Variants in ENO3 observed in about 807,000 individuals in gnomAD.
ENO3 encodes the protein beta-enolase.
In ENO3, 46 loss-of-function variants were observed where a neutral mutation model predicts 47.7. The observed-to-expected ratio is 0.96, with a 90% CI of 0.76 to 1.23. The LOEUF is 1.23. Among genes scored for constraint, ENO3 ranks in the 50% most tolerant of loss-of-function variants. The pLI is 0.00. For synonymous variants in ENO3, 223 were observed against 225.9 expected, an observed-to-expected ratio of 0.99 and a Z score of 0.11; for missense variants, 575 against 566.2, an observed-to-expected ratio of 1.02 and a Z score of -0.16.
chr17:4,951,734 C>G, intron 1 of ENO3, 94 bp from the exon 2 acceptor site: 1 of 1,395,686 alleles, frequency 7.2e-7, no homozygotes. Context: ...CAGCACCTGC[C>G]TTCTTGGAGT....
At chr17:4,954,105 T>G (rs1971644436) in intron 6 of ENO3, 1 of 582,430 alleles carries the variant, frequency 1.7e-6, no homozygotes. Flanking sequence ...AACTCCAGCC[T>G]CGTTCCAACC....
chr17:4,956,718 G>A (rs1274888691), intron 10 of ENO3, 37 bp downstream of exon 10: 2 of 1,614,094 alleles, frequency 1.2e-6, no homozygotes, highest in African/African-American at 2.7e-5. Context: ...GTCTCACCAA[G>A]TTTTCTTGGG....
At chr17:4,949,215 C>G (rs972093048), upstream of ENO3, 4 of 152,358 alleles carry the variant, frequency 2.6e-5, no homozygotes, top group East Asian at 7.7e-4. Flanking sequence ...AGAGTTTGGC[C>G]AAATCCTCTA....
Position 4,951,941 on chromosome 17 carries a change from C to T in ENO3, c.85+27C>T, listed in dbSNP as rs533616414. On this transcript the variant is annotated intron_variant, in intron 2 of 11. Transcript: ENST00000519602. ...TAACACAAGGCCCATTGGATAGGCT[C>T]GCCTCCGAAGACCCCAACCCTTTGG... The T allele has an allele frequency of 2.0e-5, 32 of 1,612,990 alleles. 1 individual carries two copies. The South Asian group carries it at 3.1e-4, about 15-fold the overall frequency.
intron 10 of ENO3, 63 bp from the exon 11 acceptor site, chr17:4,956,768 G>A: frequency 1.2e-6 from 2 of 1,613,962 alleles, no homozygotes; most frequent in East Asian, 4.5e-5. Flanking sequence ...GCTCCCTTGG[G>A]GCCAGGTCCA....
upstream of ENO3, chr17:4,949,057 G>A (rs1423822616): frequency 1.3e-5 from 2 of 151,996 alleles, no homozygotes; most frequent in South Asian, 4.1e-4. Flanking sequence ...ACGGGAGCGC[G>A]CCCGGCCCGA....
At position 4,953,696 on chromosome 17, in the gene ENO3, G is replaced by C; in HGVS notation, c.311-16G>C. The stretch of plus-strand genomic sequence containing the variant: ...GCAGAAGCTCTCATCCTTTCTTCCC[G>C]CTTGCCTCCTTCCAGCCAAGTTTGG... On this transcript the variant is annotated splice_polypyrimidine_tract_variant and intron_variant, in intron 5 of 11. Transcript: ENST00000519602. 1 of 1,614,206 alleles carries C rather than the reference G, an allele frequency of 6.2e-7. No homozygotes were observed. The highest frequency in any genetic ancestry group is 1.1e-5 in the South Asian group (1 of 91,078).
At chr17:4,952,078 G>A in intron 2 of ENO3, 164 bp downstream of exon 2, 1 of 767,400 alleles carries the variant, frequency 1.3e-6, no homozygotes, top group Non-Finnish European at 2.2e-6. Flanking sequence ...GAAGCTAGGA[G>A]AAGCAGGAGT....
intron 2 of ENO3, 26 bp downstream of exon 2, chr17:4,951,940 T>A (rs771764667): frequency 4.3e-6 from 7 of 1,613,366 alleles, no homozygotes; most frequent in Non-Finnish European, 5.1e-6. Flanking sequence ...TTGGATAGGC[T>A]CGCCTCCGAA....
rs752617216 is a variant in ENO3, at chr17:4,953,783, G to T, written c.382G>T (p.Val128Phe). ...VCKAGAAEKG[V>F]PLYRHIADLA... is the part of the protein sequence containing the mutation. Reference sequence around the variant, plus strand: ...TAAGGCGGGAGCAGCTGAGAAGGGGGTCCCCCTGTACCGCCACATCGCAGA... The same window carrying T: ...TAAGGCGGGAGCAGCTGAGAAGGGGTTCCCCCTGTACCGCCACATCGCAGA... Residue 128 changes from valine (V) to phenylalanine (F), a missense_variant, in exon 6 of 12, where the codon GTC (valine) becomes TTC (phenylalanine). Val to Phe is a conservative substitution (Grantham distance 50). Transcript: ENST00000519602. 6.8e-5 allele frequency: 109 copies of T among 1,614,078 alleles called. No individual in the cohort carries two copies. Among genetic ancestry groups the T allele is most frequent in the African/African-American group, 1.3e-4 (10 of 74,922 alleles).
Position 4,955,538 on chromosome 17 carries a change from C to T in ENO3, c.799C>T (p.Pro267Ser). The T allele has an allele frequency of 6.2e-7, 1 of 1,614,210 alleles. No homozygotes were observed. The highest frequency in any genetic ancestry group is 8.5e-7 in the Non-Finnish European group (1 of 1,180,042). Reference sequence around the variant, plus strand: ...TCTTGACTTCAAGTCGCCTGATGATCCCGCACGGCACATCACTGGGGAGAA... The same window carrying T: ...TCTTGACTTCAAGTCGCCTGATGATTCCGCACGGCACATCACTGGGGAGAA... ...YDLDFKSPDD[P>S]ARHITGEKLG... Residue 267 changes from proline (P) to serine (S), a missense_variant, in exon 8 of 12, where the codon CCC becomes TCC. Physicochemically the swap from Pro to Ser is moderately conservative, Grantham distance 74. Coordinates refer to ENST00000519602, the MANE Select transcript of ENO3 (RefSeq NM_053013.4).
At chr17:4,954,598 G>A (rs910776869) in intron 6 of ENO3, among the ~76,000 whole-genome samples, 13 of 152,300 alleles carry the variant, frequency 8.5e-5, no homozygotes, top group Admixed American at 2.0e-4. Context: ...AGGGAAGTAG[G>A]TGCTATCCCC....
chr17:4,953,027 A>C (rs374519215), intron 3 of ENO3, 24 bp from the exon 4 acceptor site: 1 of 1,614,168 alleles, frequency 6.2e-7, no homozygotes, highest in Non-Finnish European at 8.5e-7. Context: ...TTGAGCTCCA[A>C]AACTCATCCT....
At chr17:4,952,137 C>T (rs1322437531) in intron 2 of ENO3, 4 of 664,842 alleles carry the variant, frequency 6.0e-6, no homozygotes, top group Non-Finnish European at 1.1e-5. Context: ...GACACCTCAG[C>T]CCTTTGAGAG....
rs77614413 is a variant in ENO3, at chr17:4,956,961, C to A, written c.1236-17C>A. Reference sequence around the variant, plus strand: ...TAGGTTGGAAGTTCAGCAGCCCTAACCTTGCCTGCATTCTAGGATCGAGGA... The same window carrying A: ...TAGGTTGGAAGTTCAGCAGCCCTAAACTTGCCTGCATTCTAGGATCGAGGA... On this transcript the variant is annotated splice_polypyrimidine_tract_variant and intron_variant, in intron 11 of 11. Coordinates refer to ENST00000519602, the MANE Select transcript of ENO3 (RefSeq NM_053013.4). The A allele has an allele frequency of 6.2e-7, 1 of 1,614,198 alleles. No individual in the cohort carries two copies. Among genetic ancestry groups the A allele is most frequent in the South Asian group, 1.1e-5 (1 of 91,086 alleles).
In ENO3 at chr17:4,953,087, T is replaced by C; in HGVS notation, c.218T>C (p.Leu73Pro). 6.2e-7 allele frequency: 1 copy of C among 1,614,186 alleles called. No individual in the cohort carries two copies. Among genetic ancestry groups the C allele is most frequent in the Non-Finnish European group, 8.5e-7 (1 of 1,180,034 alleles). Residue 73 changes from leucine (L) to proline (P), a missense_variant, in exon 4 of 12, where the codon CTG becomes CCG. Leu to Pro is a moderately conservative substitution (Grantham distance 98). Coordinates refer to ENST00000519602, the MANE Select transcript of ENO3 (RefSeq NM_053013.4). ...GCTGTGGAGAACATCAACAATACTC[T>C]GGGCCCTGCTCTGCTGCAAAAGGCA... ...LKAVENINNT[L>P]GPALLQKKLS... is the part of the protein sequence containing the mutation.
rs761950302 is a variant in ENO3 at position 4,955,611 on chromosome 17, C to T, written c.865+7C>T. Reference sequence around the variant, plus strand: ...TTTATCAAGAACTATCCTGGTGAGGCGTTCGGGTGTCCCAGTGTTCCTGCC... The same window carrying T: ...TTTATCAAGAACTATCCTGGTGAGGTGTTCGGGTGTCCCAGTGTTCCTGCC... On this transcript the variant is annotated splice_region_variant and intron_variant, in intron 8 of 11. Transcript: ENST00000519602. The T allele has an allele frequency of 1.3e-5, 21 of 1,614,104 alleles. No homozygotes were observed. Among genetic ancestry groups the T allele is most frequent in the Middle Eastern group, 1.6e-4 (1 of 6,084 alleles).
Position 4,955,489 on chromosome 17 carries a change from G to A in ENO3, c.750G>A (p.Glu250=), listed in dbSNP as rs745727037. Residue 250 remains glutamate (E), a synonymous_variant, in exon 8 of 12, where the codon GAG becomes GAA. Coordinates refer to ENST00000519602, the MANE Select transcript of ENO3 (RefSeq NM_053013.4). The part of the protein sequence containing the change: ...VVIGMDVAAS[E]FYRNGKYDLD... ...TCGGCATGGATGTGGCAGCATCTGAGTTCTATCGCAATGGGAAGTACGATC... is the reference window on the plus strand; with the variant it reads ...TCGGCATGGATGTGGCAGCATCTGAATTCTATCGCAATGGGAAGTACGATC... The A allele has an allele frequency of 2.0e-5, 32 of 1,614,110 alleles. No homozygotes were observed. The highest frequency in any genetic ancestry group is 2.6e-5 in the Non-Finnish European group (31 of 1,180,054).
chr17:4,949,852 G>A (rs1213738484), upstream of ENO3, among the ~76,000 whole-genome samples: 2 of 152,172 alleles, frequency 1.3e-5, no homozygotes. Context: ...CAGCCGCGCG[G>A]CTGAGTCACT....
Sources: allele counts gnomAD v4.1 joint callset (sites outside exome capture counted in the v4.1 genomes callset), GRCh38; gene constraint gnomAD v4.1.1; transcripts MANE v1.5; gene names NCBI Gene and HGNC (gene_info 2026-07-23, HGNC 2026-07-21).